Variants in RAPGEF4 observed in about 807,000 individuals in gnomAD.
The protein encoded by RAPGEF4 is Rap guanine nucleotide exchange factor 4, also known as RAP guanine-nucleotide-exchange factor (GEF) 4.
RAPGEF4 carries 66 observed loss-of-function variants against 147.9 expected under a neutral mutation model. The ratio of observed to expected loss-of-function variants is 0.45; its 90% CI spans 0.37 to 0.55. The LOEUF (loss-of-function observed/expected upper bound fraction) is 0.55, where lower values mean the gene tolerates loss of function less well. RAPGEF4 is among the 20% of genes least tolerant of loss of function. The pLI is 0.00. For missense variants in RAPGEF4, 1,071 were observed against 1,257.3 expected (o/e 0.85, Z 2.24); for synonymous variants, 419 against 442.7 (o/e 0.95, Z 0.67).
chr2:172,888,372 T>C (rs758970920), intron 4 of RAPGEF4, among the ~76,000 whole-genome samples: 19 of 152,238 alleles, frequency 1.2e-4, no homozygotes, highest in Non-Finnish European at 2.5e-4. Flanking sequence ...GTCCTTTCCA[T>C]GTGCGACACC....
rs148092835 is a variant in RAPGEF4, at chr2:172,820,703, G to A, written c.444+6278G>A. 5.4e-4 allele frequency among the ~76,000 whole-genome samples: 82 copies of A among 152,276 alleles called. 1 individual carries two copies. In the East Asian group the frequency reaches 6.0e-3, roughly 11 times the overall value. On this transcript the variant is annotated intron_variant, in intron 4 of 30. Transcript: ENST00000397081. ...GAGTGGTAAAAATAAGAAAGTGCAC[G>A]TTTCTGTCTTAAGAAAAGAAAGTAA...
chr2:173,045,343 A>C (rs901657675), intron 29 of RAPGEF4, among the ~76,000 whole-genome samples: 1 of 152,224 alleles, frequency 6.6e-6, no homozygotes, highest in Admixed American at 6.5e-5. Context: ...AGCATCATCT[A>C]GATCAAGGAA....
chr2:172,788,909 A>G (rs1287163221), intron 1 of RAPGEF4, among the ~76,000 whole-genome samples: 1 of 151,852 alleles, frequency 6.6e-6, no homozygotes, highest in East Asian at 1.9e-4. Flanking sequence ...AATAAAATAA[A>G]ATAAAATAAA....
At chr2:173,003,437 A>C (rs545768751) in intron 17 of RAPGEF4, among the ~76,000 whole-genome samples, 1 of 152,302 alleles carries the variant, frequency 6.6e-6, no homozygotes, top group Non-Finnish European at 1.5e-5. Flanking sequence ...CACCTGGCTC[A>C]TATCTGGCCC....
intron 2 of RAPGEF4, among the ~76,000 whole-genome samples, chr2:172,796,911 A>T (rs1485581995): frequency 2.0e-5 from 3 of 152,290 alleles, no homozygotes; most frequent in Non-Finnish European, 4.4e-5. Flanking sequence ...TTTTGGAATT[A>T]CTTTCCCAAA....
chr2:172,814,524 G>A, intron 4 of RAPGEF4, 99 bp downstream of exon 4: 3 of 1,394,800 alleles, frequency 2.2e-6, no homozygotes, highest in Middle Eastern at 1.8e-4. Context: ...AATGTGTTCT[G>A]TTCTGAGCTG....
intron 12 of RAPGEF4, among the ~76,000 whole-genome samples, chr2:172,987,027 T>A (rs1187513771): frequency 1.3e-5 from 2 of 152,158 alleles, no homozygotes; most frequent in African/African-American, 4.8e-5. Flanking sequence ...AATTAAATTA[T>A]ACACGCTGGG....
At chr2:172,814,703 T>G (rs1379950573) in intron 4 of RAPGEF4, 2 of 410,748 alleles carry the variant, frequency 4.9e-6, no homozygotes, top group Non-Finnish European at 9.1e-6. Context: ...TTATGTATTT[T>G]CTCCCTTCTT....
chr2:172,953,595 T>C (rs1688438223), intron 6 of RAPGEF4, among the ~76,000 whole-genome samples: 1 of 152,128 alleles, frequency 6.6e-6, no homozygotes, highest in Non-Finnish European at 1.5e-5. Context: ...CTCTGGTACT[T>C]AGCAACCATA....
At position 172,866,173 on chromosome 2, in the gene RAPGEF4, A is replaced by G. The variant is rs111865088; in HGVS notation, c.445-51629A>G. ...CCCCTTGCACCCCTTTATCTACTCT[A>G]TCTCCCCTTTTATAGCCAATCTTTG... On this transcript the variant is annotated intron_variant, in intron 4 of 30. Coordinates refer to ENST00000397081, the MANE Select transcript of RAPGEF4 (RefSeq NM_007023.4). 4.8e-3 allele frequency among the ~76,000 whole-genome samples: 729 copies of G among 151,828 alleles called. 4 individuals are homozygous for G. Among genetic ancestry groups the G allele is most frequent in the South Asian group, 0.016 (78 of 4,792 alleles).
At chr2:172,750,339 T>C (rs183333376) in intron 1 of RAPGEF4, among the ~76,000 whole-genome samples, 64 of 152,118 alleles carry the variant, frequency 4.2e-4, no homozygotes, top group Middle Eastern at 6.8e-3. Context: ...CTCACAATCA[T>C]GGCAGAAGGT....
At chr2:172,891,688 A>G (rs1697933359) in intron 4 of RAPGEF4, among the ~76,000 whole-genome samples, 1 of 152,220 alleles carries the variant, frequency 6.6e-6, no homozygotes, top group Non-Finnish European at 1.5e-5. Context: ...CTTTTCAAAT[A>G]AACAGTGGAG....
chr2:172,978,363 G>A (rs1407343262), intron 10 of RAPGEF4, among the ~76,000 whole-genome samples: 1 of 152,204 alleles, frequency 6.6e-6, no homozygotes, highest in African/African-American at 2.4e-5. Context: ...TGGGAACAGA[G>A]CCCTTCCCTG....
chr2:172,911,891 C>G (rs1388264840), intron 4 of RAPGEF4, among the ~76,000 whole-genome samples: 1 of 151,632 alleles, frequency 6.6e-6, no homozygotes, highest in Non-Finnish European at 1.5e-5. Flanking sequence ...CTCAGCCTCC[C>G]CAGTAGCCCG....
intron 10 of RAPGEF4, among the ~76,000 whole-genome samples, chr2:172,982,327 C>G (rs1022119003): frequency 4.0e-5 from 6 of 149,818 alleles, no homozygotes; most frequent in Non-Finnish European, 3.0e-5. Context: ...ACAAAATGCA[C>G]AAAATGGATG....
At chr2:172,774,333 G>A (rs762302560) in intron 1 of RAPGEF4, among the ~76,000 whole-genome samples, 1 of 152,122 alleles carries the variant, frequency 6.6e-6, no homozygotes, top group Non-Finnish European at 1.5e-5. Flanking sequence ...CCCATGGTTA[G>A]CAGAATAAAG....
intron 3 of RAPGEF4, among the ~76,000 whole-genome samples, chr2:172,798,198 G>A (rs572230944): frequency 4.9e-4 from 75 of 151,800 alleles, no homozygotes; most frequent in African/African-American, 1.7e-3. Context: ...GAGGAGTTTG[G>A]CATCCTAGTA....
intron 6 of RAPGEF4, among the ~76,000 whole-genome samples, chr2:172,925,600 A>G (rs1323708375): frequency 6.6e-6 from 1 of 151,630 alleles, no homozygotes; most frequent in Non-Finnish European, 1.5e-5. Flanking sequence ...ACACACACAC[A>G]CACACACACA....
intron 1 of RAPGEF4, among the ~76,000 whole-genome samples, chr2:172,737,632 A>T (rs538867697): frequency 6.6e-6 from 1 of 151,878 alleles, no homozygotes; most frequent in South Asian, 2.1e-4. Context: ...TGCCTAAATG[A>T]TTTTGCTTGA....
Sources: gnomAD v4.1 joint callset for allele counts (sites outside exome capture counted in the v4.1 genomes callset) on GRCh38, gnomAD v4.1.1 for gene constraint, MANE v1.5 for transcripts, NCBI Gene and HGNC (gene_info 2026-07-23, HGNC 2026-07-21) for gene names.